Variants in OFD1 observed in about 807,000 individuals in gnomAD.
OFD1 encodes the protein OFD1 centriole and centriolar satellite protein.
In OFD1, 12 loss-of-function variants were observed where a neutral mutation model predicts 81.4. The observed-to-expected ratio is 0.15, with a 90% CI of 0.09 to 0.24. The LOEUF (loss-of-function observed/expected upper bound fraction) is 0.24. OFD1 is among the 10% of genes least tolerant of loss of function. The pLI is 1.00. For missense variants in OFD1, 685 were observed against 733.9 expected (o/e 0.93, Z 0.77); for synonymous variants, 256 against 263.7 (o/e 0.97, Z 0.28).
intron 9 of OFD1, among the ~76,000 whole-genome samples, chrX:13,750,170 T>C (rs2047449006): frequency 8.9e-6 from 1 of 112,069 alleles, no homozygotes; most frequent in South Asian, 3.7e-4. Context: ...CTCACTTCTA[T>C]AGGCTTGATT....
At position 13,759,997 on chromosome X, in the gene OFD1, A is replaced by G. The variant is rs757218912; in HGVS notation, c.1655-118A>G. 1.4e-4 allele frequency: 123 copies of G among 897,068 alleles called. 1 individual carries two copies. In the South Asian group the frequency reaches 2.4e-3, roughly 17 times the overall value. The allele number at this position is 897,068 out of a possible 1,213,427, so 73.9% of individuals were successfully genotyped here. On this transcript the variant is annotated intron_variant, in intron 15 of 22. Coordinates refer to ENST00000340096, the MANE Select transcript of OFD1 (RefSeq NM_003611.3). The stretch of plus-strand genomic sequence containing the variant: ...TCGTTACCATGGCTTCAGAAACTGT[A>G]TAGTGCAAGTTTGTCCTTATTACTC...
chrX:13,769,760 T>C (rs1049567218), downstream of OFD1, among the ~76,000 whole-genome samples: 6 of 111,575 alleles, frequency 5.4e-5, no homozygotes, highest in South Asian at 3.8e-4. Flanking sequence ...CTTGCACCAT[T>C]TGAAGACACT....
chrX:13,722,710 G>A, the OFD1 span, among the ~76,000 whole-genome samples: 2 of 111,944 alleles, frequency 1.8e-5, no homozygotes, highest in African/African-American at 6.5e-5. Flanking sequence ...AACTTTCTGC[G>A]AGGACAGAAA....
chrX:13,738,114 G>T (rs1245652900), intron 3 of OFD1, among the ~76,000 whole-genome samples: 1 of 112,217 alleles, frequency 8.9e-6, no homozygotes, highest in East Asian at 2.8e-4. Flanking sequence ...CTCCCAAAGA[G>T]CTGGGATAAC....
chrX:13,716,539 G>A, the OFD1 span: 3 of 1,211,332 alleles, frequency 2.5e-6, no homozygotes, highest in Non-Finnish European at 1.1e-6. Context: ...GATATGCCCC[G>A]CAGTGACAAA....
chrX:13,727,815 G>T, the OFD1 span, among the ~76,000 whole-genome samples: 1 of 111,650 alleles, frequency 9.0e-6, no homozygotes, highest in Non-Finnish European at 1.9e-5. Flanking sequence ...CCAGGAGCTG[G>T]TTTTTTCAAA....
chrX:13,768,035 T>G lies in OFD1; in HGVS notation c.2758-19T>G. 8.6e-7 allele frequency: 1 copy of G among 1,166,524 alleles called. No homozygotes were observed. The highest frequency in any genetic ancestry group is 1.2e-6 in the Non-Finnish European group (1 of 854,870). ...ACAAATGTATTTGTGTATTTTCTGT[T>G]TTGGTGCCTGTTTTATAGAAGATGA... On this transcript the variant is annotated intron_variant, in intron 20 of 22. Coordinates refer to ENST00000340096, the MANE Select transcript of OFD1 (RefSeq NM_003611.3).
chrX:13,734,632 A>C (rs532471151), upstream of OFD1: 8 of 847,814 alleles, frequency 9.4e-6, no homozygotes, highest in African/African-American at 1.5e-4. Context: ...ATACCCTGGG[A>C]TGTGCTCTCG....
At chrX:13,745,055 C>T (rs189679675) in intron 6 of OFD1, among the ~76,000 whole-genome samples, 144 of 112,118 alleles carry the variant, frequency 1.3e-3, no homozygotes, top group African/African-American at 4.4e-3. Flanking sequence ...TCCTGTCTGT[C>T]AGTTTCGTGC....
In OFD1 at chrX:13,752,725, C is replaced by T. The variant is rs141690145; in HGVS notation, c.1056-643C>T. 7,022 of 970,120 alleles carry T rather than the reference C, an allele frequency of 7.2e-3. 144 individuals carry two copies. Among genetic ancestry groups the T allele is most frequent in the African/African-American group, 0.067 (3,370 of 49,963 alleles). 79.9% of individuals were successfully genotyped at this position (970,120 alleles called of 1,213,427 possible). On this transcript the variant is annotated intron_variant, in intron 10 of 22. Transcript: ENST00000340096. ...ACAGCTTCCACAGGCTGCATGGTGTCTGCCTGGCTTTGGGAATCCTCATAT... is the reference window on the plus strand; with the variant it reads ...ACAGCTTCCACAGGCTGCATGGTGTTTGCCTGGCTTTGGGAATCCTCATAT...
At chrX:13,729,329 T>A in the OFD1 span, among the ~76,000 whole-genome samples, 1 of 111,136 alleles carries the variant, frequency 9.0e-6, no homozygotes, top group Middle Eastern at 4.6e-3. Context: ...GGAGGCATCA[T>A]GCTACCTGAC....
chrX:13,766,499 C>T (rs773759300), intron 19 of OFD1, among the ~76,000 whole-genome samples: 77 of 111,034 alleles, frequency 6.9e-4, no homozygotes, highest in African/African-American at 1.7e-3. Flanking sequence ...GAAATGTGGA[C>T]GCGAGGCTAG....
At chrX:13,737,645 C>T (rs970538348) in intron 3 of OFD1, among the ~76,000 whole-genome samples, 2 of 109,457 alleles carry the variant, frequency 1.8e-5, no homozygotes, top group Admixed American at 1.9e-4. Context: ...GGTGACAGAG[C>T]GAGACTGTCT....
At chrX:13,714,644 A>T in the OFD1 span, 1 of 383,461 alleles carries the variant, frequency 2.6e-6, no homozygotes, top group East Asian at 4.2e-5. Flanking sequence ...TTTATTGAAA[A>T]TGCTGCATTG....
At chrX:13,773,099 T>C (rs923943149), downstream of OFD1, 4 of 984,309 alleles carry the variant, frequency 4.1e-6, no homozygotes, top group Middle Eastern at 2.7e-4. Flanking sequence ...GCTAGTTAGA[T>C]TAGACAGACT....
downstream of OFD1, among the ~76,000 whole-genome samples, chrX:13,769,684 G>A (rs2048265013): frequency 8.9e-6 from 1 of 111,806 alleles, no homozygotes; most frequent in Non-Finnish European, 1.9e-5. Context: ...ACCTTTTGCA[G>A]GTGACTAAGA....
At position 13,769,055 on chromosome X, in the gene OFD1, C is replaced by T; in HGVS notation, c.2997-11C>T. 2 of 1,159,126 alleles carry T rather than the reference C, an allele frequency of 1.7e-6. No homozygotes were observed. The highest frequency in any genetic ancestry group is 1.8e-5 in the South Asian group (1 of 55,543). Reference sequence around the variant, plus strand: ...TTTTTACATTTTAATTTTTATCTTTCCCTAATTTAGTTTAACAGGCTTTTC... The same window carrying T: ...TTTTTACATTTTAATTTTTATCTTTTCCTAATTTAGTTTAACAGGCTTTTC... On this transcript the variant is annotated splice_polypyrimidine_tract_variant and intron_variant, in intron 22 of 22. Transcript: ENST00000340096.
chrX:13,749,004 T>G (rs1468651338), intron 8 of OFD1, among the ~76,000 whole-genome samples: 1 of 108,201 alleles, frequency 9.2e-6, no homozygotes, highest in East Asian at 2.9e-4. Flanking sequence ...CTGTAGTGCC[T>G]GCAGCTACTC....
chrX:13,757,607 A>G (rs2047757752), intron 13 of OFD1, 53 bp from the exon 14 acceptor site: 1 of 1,172,134 alleles, frequency 8.5e-7, no homozygotes, highest in East Asian at 3.0e-5. Flanking sequence ...GTTAAATAAG[A>G]AAACTTAAGG....
Sources: allele counts gnomAD v4.1 joint callset (sites outside exome capture counted in the v4.1 genomes callset), GRCh38; gene constraint gnomAD v4.1.1; transcripts MANE v1.5; gene names NCBI Gene and HGNC (gene_info 2026-07-23, HGNC 2026-07-21).